The following ZC3H12B variants were observed in gnomAD, a reference collection of about 807,000 sequenced individuals.
ZC3H12B encodes probable ribonuclease ZC3H12B.
Under a neutral mutation model 43.9 loss-of-function variants are expected in ZC3H12B, and 7 were observed. The ratio of observed to expected loss-of-function variants is 0.16; its 90% confidence interval spans 0.09 to 0.30. The LOEUF is 0.30. ZC3H12B is among the 10% of genes least tolerant of loss of function. The pLI, the probability that ZC3H12B is intolerant of heterozygous loss-of-function variation, is 1.00. For missense variants in ZC3H12B, 475 were observed against 670.2 expected (o/e 0.71, Z 3.22); for synonymous variants, 222 against 241.7 (o/e 0.92, Z 0.76).
the ZC3H12B span, among the ~76,000 whole-genome samples, chrX:65,191,925 C>G: frequency 1.5e-4 from 16 of 103,658 alleles, no homozygotes; most frequent in Non-Finnish European, 3.9e-5. Context: ...CCTGCTTTCT[C>G]TTGTGGGCAT....
chrX:65,395,271 T>C (rs1312677551), intron 2 of ZC3H12B, among the ~76,000 whole-genome samples: 2 of 111,972 alleles, frequency 1.8e-5, no homozygotes. Flanking sequence ...AGAGAGGGCA[T>C]CCTTGTTTGT....
At chrX:65,395,340 G>C (rs1400208832) in intron 2 of ZC3H12B, among the ~76,000 whole-genome samples, 2 of 111,722 alleles carry the variant, frequency 1.8e-5, no homozygotes, top group African/African-American at 6.5e-5. Context: ...ATGGGCTGTG[G>C]GTTTGTCACA....
chrX:65,347,629 C>T, the ZC3H12B span, among the ~76,000 whole-genome samples: 1 of 112,330 alleles, frequency 8.9e-6, no homozygotes, highest in Non-Finnish European at 1.9e-5. Flanking sequence ...CACTTTTACA[C>T]TGTTGGTGGG....
chrX:65,428,325 A>G (rs923151550), intron 3 of ZC3H12B, among the ~76,000 whole-genome samples: 1 of 112,105 alleles, frequency 8.9e-6, no homozygotes, highest in Admixed American at 9.4e-5. Flanking sequence ...AGATAGGGGA[A>G]GTTTTCCTGG....
chrX:65,369,585 G>A (rs2066218196), intron 2 of ZC3H12B, among the ~76,000 whole-genome samples: 1 of 111,203 alleles, frequency 9.0e-6, no homozygotes, highest in African/African-American at 3.3e-5. Context: ...AGTTTTTGGA[G>A]GAAAGTTTTT....
the ZC3H12B span, among the ~76,000 whole-genome samples, chrX:65,101,594 C>T: frequency 5.3e-5 from 6 of 112,160 alleles, no homozygotes; most frequent in South Asian, 7.4e-4. Context: ...AAACTACCAT[C>T]AGAGAATACT....
intron 1 of ZC3H12B, among the ~76,000 whole-genome samples, chrX:65,495,382 TATGA>T (rs1446005473): frequency 8.9e-6 from 1 of 112,081 alleles, no homozygotes; most frequent in Non-Finnish European, 1.9e-5. Context: ...GGATATTATA[TATGA>T]ATTCATTGAA....
the ZC3H12B span, among the ~76,000 whole-genome samples, chrX:65,113,852 A>T: frequency 9.4e-6 from 1 of 106,744 alleles, no homozygotes; most frequent in Non-Finnish European, 1.9e-5. Flanking sequence ...TGCACACTTA[A>T]GAGACTGAAG....
At chrX:65,180,489 T>C in the ZC3H12B span, among the ~76,000 whole-genome samples, 1 of 111,798 alleles carries the variant, frequency 8.9e-6, no homozygotes, top group Non-Finnish European at 1.9e-5. Context: ...TGTTTGAAGA[T>C]GACATGATTG....
chrX:65,257,725 C>CA, the ZC3H12B span, among the ~76,000 whole-genome samples: 1 of 109,752 alleles, frequency 9.1e-6, no homozygotes, highest in Non-Finnish European at 1.9e-5. Context: ...AAAAAACAAA[C>CA]AAAAAAACCT....
chrX:65,283,674 G>A, the ZC3H12B span, among the ~76,000 whole-genome samples: 3 of 111,683 alleles, frequency 2.7e-5, no homozygotes, highest in African/African-American at 9.8e-5. Flanking sequence ...TCCAGGAAGG[G>A]AGCTAGCACT....
chrX:65,263,888 T>C, the ZC3H12B span, among the ~76,000 whole-genome samples: 8 of 111,208 alleles, frequency 7.2e-5, no homozygotes, highest in Non-Finnish European at 1.5e-4. Flanking sequence ...CAATTCACAA[T>C]TGCAAAGATA....
the ZC3H12B span, among the ~76,000 whole-genome samples, chrX:65,162,824 T>G: frequency 2.7e-5 from 3 of 112,455 alleles, no homozygotes; most frequent in East Asian, 8.4e-4. Context: ...CTGCGTTCCT[T>G]TGGAGGAGAA....
the ZC3H12B span, among the ~76,000 whole-genome samples, chrX:65,190,600 G>A: frequency 9.4e-6 from 1 of 106,361 alleles, no homozygotes; most frequent in East Asian, 3.0e-4. Flanking sequence ...CTCTCTGTTT[G>A]TCTGTTGTTG....
the ZC3H12B span, among the ~76,000 whole-genome samples, chrX:65,121,716 T>C: frequency 9.0e-6 from 1 of 111,612 alleles, no homozygotes; most frequent in African/African-American, 3.3e-5. Context: ...TGCTCTTGCT[T>C]CTCTAGTTCT....
intron 3 of ZC3H12B, among the ~76,000 whole-genome samples, chrX:65,404,403 G>A (rs922250231): frequency 9.0e-6 from 1 of 111,500 alleles, no homozygotes; most frequent in Non-Finnish European, 1.9e-5. Context: ...GTCTACAATC[G>A]AAATAAATAG....
chrX:65,061,196 C>T, the ZC3H12B span, among the ~76,000 whole-genome samples: 4 of 110,751 alleles, frequency 3.6e-5, no homozygotes, highest in South Asian at 7.6e-4. Flanking sequence ...ATGTGCAGAA[C>T]GTGCAGGTTT....
At chrX:65,255,096 C>T in the ZC3H12B span, among the ~76,000 whole-genome samples, 1 of 111,655 alleles carries the variant, frequency 9.0e-6, no homozygotes, top group Non-Finnish European at 1.9e-5. Context: ...TCATCAACGT[C>T]CCTGAAGAGA....
intron 1 of ZC3H12B, among the ~76,000 whole-genome samples, chrX:65,494,797 A>G (rs1329201864): frequency 9.3e-6 from 1 of 107,575 alleles, no homozygotes; most frequent in Non-Finnish European, 1.9e-5. Flanking sequence ...TAAATAAATA[A>G]ATAAATAAAT....
Sources: gnomAD v4.1 joint callset for allele counts (sites outside exome capture counted in the v4.1 genomes callset) on GRCh38, gnomAD v4.1.1 for gene constraint, MANE v1.5 for transcripts, NCBI Gene and HGNC (gene_info 2026-07-23, HGNC 2026-07-21) for gene names.